Variants in CIMIP1 observed in about 807,000 individuals in gnomAD.
CIMIP1 encodes ciliary microtubule inner protein 1.
the CIMIP1 span, among the ~76,000 whole-genome samples, chr20:58,153,246 A>G: frequency 8.5e-5 from 13 of 152,154 alleles, no homozygotes; most frequent in Non-Finnish European, 1.3e-4. Context: ...AGGGCCTCCA[A>G]AATAAGAGAT....
chr20:58,153,591 A>G, the CIMIP1 span: 3 of 1,614,172 alleles, frequency 1.9e-6, no homozygotes, highest in Non-Finnish European at 2.5e-6. Flanking sequence ...AACTGGCCCC[A>G]GAACTGGGGG....
the CIMIP1 span, among the ~76,000 whole-genome samples, chr20:58,160,354 C>G: frequency 6.6e-6 from 1 of 152,210 alleles, no homozygotes; most frequent in Non-Finnish European, 1.5e-5. Flanking sequence ...GCAGTGAAAA[C>G]TGTAGCACTT....
the CIMIP1 span, chr20:58,153,530 A>G: frequency 6.2e-7 from 1 of 1,612,052 alleles, no homozygotes. Flanking sequence ...GCACTCAGGA[A>G]CTTTCTTTTT....
At chr20:58,152,338 C>T in the CIMIP1 span, among the ~76,000 whole-genome samples, 1 of 152,044 alleles carries the variant, frequency 6.6e-6, no homozygotes, top group Non-Finnish European at 1.5e-5. Context: ...TGAATAGGGC[C>T]CTTGGCTACC....
chr20:58,153,800 T>A, the CIMIP1 span, among the ~76,000 whole-genome samples: 3 of 152,212 alleles, frequency 2.0e-5, no homozygotes, highest in Admixed American at 1.3e-4. Context: ...ACTGACCACA[T>A]GCCAGGCATG....
chr20:58,150,953 C>T, the CIMIP1 span: 1 of 1,598,468 alleles, frequency 6.3e-7, no homozygotes, highest in East Asian at 2.3e-5. Context: ...GCGCACAGAG[C>T]CCCCAGGCCT....
At chr20:58,158,393 G>A in the CIMIP1 span, among the ~76,000 whole-genome samples, 3 of 152,238 alleles carry the variant, frequency 2.0e-5, no homozygotes, top group African/African-American at 7.2e-5. Context: ...GCTCAAGCCT[G>A]TGATCCCAGC....
At chr20:58,151,031 T>C in the CIMIP1 span, 8 of 1,604,708 alleles carry the variant, frequency 5.0e-6, no homozygotes, top group Non-Finnish European at 6.8e-6. Context: ...GGATGAGATC[T>C]GGTAACGCCT....
chr20:58,155,496 C>A, the CIMIP1 span: 9 of 1,614,154 alleles, frequency 5.6e-6, no homozygotes, highest in Non-Finnish European at 7.6e-6. Context: ...GATCTCCCCA[C>A]CCCAAAGCCC....
At chr20:58,153,188 G>A in the CIMIP1 span, among the ~76,000 whole-genome samples, 1 of 152,162 alleles carries the variant, frequency 6.6e-6, no homozygotes, top group East Asian at 1.9e-4. Context: ...AGGAAGCAGG[G>A]AGTGAGTGCC....
chr20:58,153,150 G>A, the CIMIP1 span, among the ~76,000 whole-genome samples: 1 of 152,170 alleles, frequency 6.6e-6, no homozygotes, highest in African/African-American at 2.4e-5. Context: ...CCACGTCAAG[G>A]TCATGCAGAC....
chr20:58,151,833 T>C, the CIMIP1 span, among the ~76,000 whole-genome samples: 2 of 152,338 alleles, frequency 1.3e-5, no homozygotes, highest in South Asian at 4.1e-4. Context: ...TAAAGATACA[T>C]CCATTTTCTA....
the CIMIP1 span, chr20:58,155,360 G>A: frequency 3.6e-6 from 3 of 834,036 alleles, no homozygotes; most frequent in African/African-American, 1.7e-5. Flanking sequence ...GCAATGGGGA[G>A]GACACTCCCC....
the CIMIP1 span, chr20:58,160,979 T>C: frequency 1.4e-6 from 1 of 729,696 alleles, no homozygotes; most frequent in Non-Finnish European, 2.1e-6. Context: ...GCCTTAGACA[T>C]TCTCAAGTCA....
chr20:58,152,328 T>C, the CIMIP1 span, among the ~76,000 whole-genome samples: 1 of 152,052 alleles, frequency 6.6e-6, no homozygotes, highest in Non-Finnish European at 1.5e-5. Flanking sequence ...CCCTCCTCTT[T>C]GAATAGGGCC....
chr20:58,158,758 C>A, the CIMIP1 span, among the ~76,000 whole-genome samples: 18 of 152,152 alleles, frequency 1.2e-4, no homozygotes, highest in African/African-American at 3.6e-4. Context: ...TAATAGGTAA[C>A]CTTGATACCT....
chr20:58,153,912 T>C, the CIMIP1 span, among the ~76,000 whole-genome samples: 1 of 152,122 alleles, frequency 6.6e-6, no homozygotes, highest in East Asian at 1.9e-4. Flanking sequence ...GAAATTGAGC[T>C]CCAAGACCTG....
At chr20:58,160,894 A>C in the CIMIP1 span, 8 of 1,522,194 alleles carry the variant, frequency 5.3e-6, no homozygotes, top group Non-Finnish European at 7.1e-6. Context: ...CAGGGAAAGG[A>C]AGAGCTCCCC....
the CIMIP1 span, chr20:58,155,503 G>A: frequency 1.2e-6 from 2 of 1,614,146 alleles, no homozygotes; most frequent in South Asian, 1.1e-5. Context: ...CCACCCCAAA[G>A]CCCAAAATCG....
Sources: gnomAD v4.1 joint callset for allele counts (sites outside exome capture counted in the v4.1 genomes callset) on GRCh38, gnomAD v4.1.1 for gene constraint, MANE v1.5 for transcripts, NCBI Gene and HGNC (gene_info 2026-07-23, HGNC 2026-07-21) for gene names.